CSMD3: variants seen among roughly 807,000 people sequenced by gnomAD.
CSMD3 encodes CUB and Sushi multiple domains 3, also known as CUB and sushi domain-containing protein 3.
Under a neutral mutation model 435.2 loss-of-function variants are expected in CSMD3, and 177 were observed. That is an observed-to-expected ratio of 0.41 (90% confidence interval 0.36 to 0.46). CSMD3 has a LOEUF of 0.46. Among genes scored for constraint, CSMD3 ranks in the 20% least tolerant of loss-of-function variants. CSMD3 has a pLI of 0.34. For synonymous variants in CSMD3, 1,656 were observed against 1,520.5 expected, an observed-to-expected ratio of 1.09 and a Z score of -2.07; for missense variants, 4,265 against 4,504.6, an observed-to-expected ratio of 0.95 and a Z score of 1.52.
intron 32 of CSMD3, among the ~76,000 whole-genome samples, chr8:112,423,611 G>A (rs2130310430): frequency 6.6e-6 from 1 of 152,156 alleles, no homozygotes; most frequent in Middle Eastern, 3.4e-3. Flanking sequence ...GCCTGGCTAA[G>A]TTTTGTATTC....
chr8:112,748,303 A>G (rs1306898321), intron 13 of CSMD3, among the ~76,000 whole-genome samples: 1 of 152,192 alleles, frequency 6.6e-6, no homozygotes, highest in East Asian at 1.9e-4. Context: ...TTTTTGGAAG[A>G]ATAGTGAAAA....
chr8:112,335,910 T>A (rs1011517013), intron 44 of CSMD3, among the ~76,000 whole-genome samples: 7 of 151,948 alleles, frequency 4.6e-5, no homozygotes, highest in African/African-American at 1.7e-4. Context: ...TTTAATACAT[T>A]TTTATTTATT....
At chr8:113,413,732 G>A (rs2094569680) in intron 1 of CSMD3, among the ~76,000 whole-genome samples, 1 of 152,174 alleles carries the variant, frequency 6.6e-6, no homozygotes, top group Non-Finnish European at 1.5e-5. Context: ...ATTTTGTATA[G>A]TGACAATGAA....
At chr8:113,105,538 C>A (rs1395748058) in intron 4 of CSMD3, among the ~76,000 whole-genome samples, 1 of 152,096 alleles carries the variant, frequency 6.6e-6, no homozygotes, top group Non-Finnish European at 1.5e-5. Flanking sequence ...GATGAAATTT[C>A]ATGAAGTCAC....
intron 12 of CSMD3, among the ~76,000 whole-genome samples, chr8:112,812,730 A>T (rs1003829730): frequency 1.3e-5 from 2 of 152,166 alleles, no homozygotes; most frequent in Non-Finnish European, 2.9e-5. Flanking sequence ...TTATTTGTTA[A>T]TTTAAAAAAT....
In CSMD3 at chr8:112,281,174, T is replaced by C. The variant is rs2130576721; in HGVS notation, c.9508A>G (p.Ile3170Val). ...TWSGTLPNCT[I>V]ISCGDPGIPA... ...TTTTAAATATTGAGAATATACTTAC[T>C]TGTACAGTTAGGTAAAGTTCCAGAC... The change falls in exon 59 of 71, where the codon ATA becomes GTA. Residue 3170 changes from isoleucine to valine, a missense_variant and splice_region_variant. This residue lies in a region of CSMD3 where 3,255 missense variants were observed against 3,380.2 expected (regional missense o/e 0.96). Transcript: ENST00000297405. 1 of 1,605,956 alleles carries C rather than the reference T, an allele frequency of 6.2e-7. No homozygotes were observed. The highest frequency in any genetic ancestry group is 8.5e-7 in the Non-Finnish European group (1 of 1,172,748).
At chr8:112,549,238 G>A (rs1044552074) in intron 27 of CSMD3, among the ~76,000 whole-genome samples, 3 of 151,876 alleles carry the variant, frequency 2.0e-5, no homozygotes, top group African/African-American at 7.3e-5. Flanking sequence ...CTGACAAATT[G>A]TTCCCACTTA....
At chr8:112,536,369 G>A (rs1459145537) in intron 27 of CSMD3, among the ~76,000 whole-genome samples, 2 of 152,110 alleles carry the variant, frequency 1.3e-5, no homozygotes, top group African/African-American at 2.4e-5. Flanking sequence ...AAGGACATGA[G>A]CAGATACTTC....
intron 1 of CSMD3, among the ~76,000 whole-genome samples, chr8:113,323,592 G>A (rs2093963348): frequency 6.6e-6 from 1 of 152,128 alleles, no homozygotes; most frequent in Non-Finnish European, 1.5e-5. Flanking sequence ...CAACATGAAT[G>A]TACTTATAAA....
chr8:113,307,915 T>C (rs1025389641), intron 2 of CSMD3, among the ~76,000 whole-genome samples: 1 of 152,134 alleles, frequency 6.6e-6, no homozygotes, highest in Non-Finnish European at 1.5e-5. Context: ...TATTTGGCAG[T>C]TTTTTCTTAT....
intron 3 of CSMD3, among the ~76,000 whole-genome samples, chr8:113,241,548 A>T (rs2093217512): frequency 6.6e-6 from 1 of 151,846 alleles, no homozygotes; most frequent in Non-Finnish European, 1.5e-5. Context: ...CATCCTGATG[A>T]GTTCTTCAAA....
At chr8:112,600,240 T>C (rs956910226) in intron 22 of CSMD3, among the ~76,000 whole-genome samples, 1 of 152,250 alleles carries the variant, frequency 6.6e-6, no homozygotes, top group Admixed American at 6.5e-5. Flanking sequence ...TAAAAAATGC[T>C]ACCAAAAATG....
chr8:112,865,338 T>G (rs2080946996), intron 10 of CSMD3, among the ~76,000 whole-genome samples: 1 of 152,248 alleles, frequency 6.6e-6, no homozygotes, highest in African/African-American at 2.4e-5. Context: ...ATATATCAAC[T>G]GAGATCTGTC....
intron 38 of CSMD3, among the ~76,000 whole-genome samples, chr8:112,378,138 C>T (rs1362304323): frequency 6.6e-6 from 1 of 150,480 alleles, no homozygotes; most frequent in Non-Finnish European, 1.5e-5. Context: ...TCATCTTGCC[C>T]CAGTTAAAGT....
intron 27 of CSMD3, among the ~76,000 whole-genome samples, chr8:112,524,958 A>G (rs1824712352): frequency 6.6e-6 from 1 of 151,852 alleles, no homozygotes; most frequent in African/African-American, 2.4e-5. Context: ...TGTTTTTTCA[A>G]TATATTCTTA....
At chr8:112,426,104 A>G (rs1402070279) in intron 32 of CSMD3, among the ~76,000 whole-genome samples, 1 of 152,192 alleles carries the variant, frequency 6.6e-6, no homozygotes, top group Admixed American at 6.6e-5. Flanking sequence ...AGCTGGAGAC[A>G]TAAAAAAAGT....
intron 5 of CSMD3, among the ~76,000 whole-genome samples, chr8:113,073,713 T>C (rs185695547): frequency 1.3e-5 from 2 of 151,810 alleles, no homozygotes; most frequent in East Asian, 1.9e-4. Flanking sequence ...TCTTTTTTTT[T>C]TCAGTAAAAA....
chr8:113,178,373 T>C (rs566885656), intron 3 of CSMD3, among the ~76,000 whole-genome samples: 77 of 151,940 alleles, frequency 5.1e-4, no homozygotes, highest in South Asian at 6.2e-4. Context: ...TACATATTGC[T>C]ATCTACAAAA....
chr8:113,179,135 A>G (rs1490074579), intron 3 of CSMD3, among the ~76,000 whole-genome samples: 1 of 151,838 alleles, frequency 6.6e-6, no homozygotes, highest in Non-Finnish European at 1.5e-5. Context: ...TAAAAAAATT[A>G]GTAGCCAAAA....
Sources: gnomAD v4.1 joint callset for allele counts (sites outside exome capture counted in the v4.1 genomes callset) on GRCh38, gnomAD v4.1.1 for gene constraint, gnomAD v4.1.1 regional missense constraint, MANE v1.5 for transcripts, NCBI Gene and HGNC (gene_info 2026-07-23, HGNC 2026-07-21) for gene names.